Variants in TRIM50 observed in about 807,000 individuals in gnomAD.
The protein encoded by TRIM50 is E3 ubiquitin-protein ligase TRIM50.
Under a neutral mutation model 44.9 loss-of-function variants are expected in TRIM50, and 34 were observed. The observed-to-expected ratio is 0.76, with a 90% CI of 0.58 to 1.01. TRIM50 has a LOEUF of 1.01. Ranked by LOEUF, TRIM50 falls within the 50% of genes least tolerant of loss-of-function variation. The pLI is 0.00. For synonymous variants in TRIM50, 307 were observed against 291.1 expected (o/e 1.05, Z -0.56); for missense variants, 633 against 663.7 (o/e 0.95, Z 0.51).
intron 2 of TRIM50, among the ~76,000 whole-genome samples, chr7:73,321,216 A>G (rs1316064101): frequency 6.6e-6 from 1 of 152,122 alleles, no homozygotes; most frequent in South Asian, 2.1e-4. Flanking sequence ...CTTCCCAGGC[A>G]TAAGAGGGTC....
Position 73,312,652 on chromosome 7 carries a change from T to C in TRIM50, c.*269A>G. The C allele has an allele frequency of 2.0e-6, 1 of 489,502 alleles. No homozygotes were observed. Among genetic ancestry groups the C allele is most frequent in the Non-Finnish European group, 3.6e-6 (1 of 278,304 alleles). The allele number at this position is 489,502 out of a possible 1,614,324, so 30.3% of individuals were successfully genotyped here. Reference sequence around the variant, plus strand: ...CTGCCCTCGGAAGCGTCTGCGCAGATAGCATGGTTAGCAAGTGGCAGGAAC... The same window carrying C: ...CTGCCCTCGGAAGCGTCTGCGCAGACAGCATGGTTAGCAAGTGGCAGGAAC... On this transcript the variant is annotated 3_prime_UTR_variant, in exon 7 of 7. Coordinates refer to ENST00000333149, the MANE Select transcript of TRIM50 (RefSeq NM_178125.3).
chr7:73,322,280 C>T (rs1345737480), intron 2 of TRIM50, among the ~76,000 whole-genome samples: 3 of 152,138 alleles, frequency 2.0e-5, no homozygotes, highest in Admixed American at 6.5e-5. Context: ...ACCCGGGAGG[C>T]GGAGCTTGCA....
chr7:73,319,113 T>C, intron 3 of TRIM50, 61 bp from the exon 4 acceptor site: 1 of 1,613,216 alleles, frequency 6.2e-7, no homozygotes, highest in Non-Finnish European at 8.5e-7. Context: ...TCTGTCTGGC[T>C]GGCCTCGGTG....
In TRIM50 at chr7:73,313,543, C is replaced by T; in HGVS notation, c.875-33G>A. ...GGAGATCACAGAGGGTCTGTGAGGCCACGTGGAGGGCAGCAGACCCGGCCC... is the reference window on the plus strand; with the variant it reads ...GGAGATCACAGAGGGTCTGTGAGGCTACGTGGAGGGCAGCAGACCCGGCCC... On this transcript the variant is annotated intron_variant, in intron 6 of 6. Coordinates refer to ENST00000333149, the MANE Select transcript of TRIM50 (RefSeq NM_178125.3). This position sits in a 1 kb window ranked among gnomAD's most constrained non-coding sequence, Gnocchi z 4.9. 1 of 1,453,316 alleles carries T rather than the reference C, an allele frequency of 6.9e-7. No individual in the cohort carries two copies. Among genetic ancestry groups the T allele is most frequent in the Non-Finnish European group, 9.1e-7 (1 of 1,102,284 alleles). 90.0% of individuals were successfully genotyped at this position (1,453,316 alleles called of 1,614,324 possible).
rs201147866 is a variant in TRIM50 at position 73,313,439 on chromosome 7, C to T, written c.946G>A (p.Val316Met). The T allele has an allele frequency of 1.5e-4, 237 of 1,561,292 alleles. No homozygotes were observed. The Admixed American group carries it at 4.4e-3, about 29-fold the overall frequency. ...LLELSKGNTVVQCGLLAQRRA... is the reference protein window; with the variant it reads ...LLELSKGNTVMQCGLLAQRRA... ...CGCTGGGCCAGAAGCCCGCACTGCA[C>T]CACCGTGTTGCCCTTGGAGAGCTCC... Residue 316 changes from valine (V) to methionine (M), a missense_variant, in exon 7 of 7, where the codon GTG (valine) becomes ATG (methionine). Physicochemically the swap from Val to Met is conservative, Grantham distance 21. Transcript: ENST00000333149. This position sits in a 1 kb window ranked among gnomAD's most constrained non-coding sequence, Gnocchi z 4.9.
At position 73,322,448 on chromosome 7, in the gene TRIM50, T is replaced by C. The variant is rs1804518542; in HGVS notation, c.399+1941A>G. ...AGGACAGATAAGCTCCCAGCCTGTT[T>C]CCCTCCCTCCTTCCCATTAACTAAT... On this transcript the variant is annotated intron_variant, in intron 2 of 6. Transcript: ENST00000333149. 4.0e-5 allele frequency among the ~76,000 whole-genome samples: 6 copies of C among 151,876 alleles called. No individual in the cohort carries two copies. The South Asian group carries it at 1.2e-3, about 32-fold the overall frequency.
Position 73,312,970 on chromosome 7 carries a change from G to A in TRIM50, c.1415C>T (p.Pro472Leu), listed in dbSNP as rs1554543196. 10 of 1,550,690 alleles carry A rather than the reference G, an allele frequency of 6.4e-6. No homozygotes were observed. Among genetic ancestry groups the A allele is most frequent in the South Asian group, 3.6e-5 (3 of 84,038 alleles). The change falls in exon 7 of 7, where the codon CCG (proline) becomes CTG (leucine). Residue 472 changes from proline (P) to leucine (L), a missense_variant. Pro to Leu is a moderately conservative substitution (Grantham distance 98). Coordinates refer to ENST00000333149, the MANE Select transcript of TRIM50 (RefSeq NM_178125.3). ...GSNSLPMVLP[P>L]PSGPGPLSPE... Reference sequence around the variant, plus strand: ...GCTGAGGGGGCCAGGCCCGCTGGGCGGGGGCAGCACCATGGGCAGCGAGTT... The same window carrying A: ...GCTGAGGGGGCCAGGCCCGCTGGGCAGGGGCAGCACCATGGGCAGCGAGTT...
At chr7:73,326,649 T>G (rs1804635938) in intron 1 of TRIM50, among the ~76,000 whole-genome samples, 1 of 152,108 alleles carries the variant, frequency 6.6e-6, no homozygotes, top group Admixed American at 6.5e-5. Flanking sequence ...TGTGGACTGT[T>G]TTTGAATTTC....
rs564842605 is a variant in TRIM50, at chr7:73,313,058, G to C, written c.1327C>G (p.Gln443Glu). 3.2e-6 allele frequency: 5 copies of C among 1,583,686 alleles called. No homozygotes were observed. Among genetic ancestry groups the C allele is most frequent in the Non-Finnish European group, 4.3e-6 (5 of 1,165,264 alleles). The change falls in exon 7 of 7, where the codon CAG becomes GAG. Residue 443 changes from glutamine to glutamate, a missense_variant. Gln to Glu is a conservative substitution (Grantham distance 29). Transcript: ENST00000333149. The surrounding 1 kb of genome is among the most constrained non-coding windows in gnomAD (Gnocchi z 4.9). ...TAGAGCTTGCCCTGGAAGTCGGCCT[G>C]GAAGGTGTAGAGCGGCCGCAGGTCA... ...PDDLRPLYTF[Q>E]ADFQGKLYPI...
chr7:73,319,762 C>G (rs1333373362), intron 3 of TRIM50, among the ~76,000 whole-genome samples: 1 of 152,232 alleles, frequency 6.6e-6, no homozygotes, highest in Non-Finnish European at 1.5e-5. Flanking sequence ...AGCCAGGGCC[C>G]AGGGCTGCCA....
At chr7:73,315,582 T>A (rs1554543934) in intron 6 of TRIM50, among the ~76,000 whole-genome samples, 1 of 152,174 alleles carries the variant, frequency 6.6e-6, no homozygotes, top group Non-Finnish European at 1.5e-5. Flanking sequence ...TTTGAACTCC[T>A]GGCCTCAAGC....
chr7:73,323,569 G>A (rs13241244), intron 2 of TRIM50, among the ~76,000 whole-genome samples: 91 of 152,252 alleles, frequency 6.0e-4, no homozygotes, highest in Admixed American at 1.3e-3. Context: ...ATTATTACTC[G>A]TCTTAAAGAA....
At position 73,324,081 on chromosome 7, in the gene TRIM50, A is replaced by AG. The variant is rs1554545456; in HGVS notation, c.399+307dup. Among the ~76,000 whole-genome samples the AG allele has an allele frequency of 5.9e-5, 9 of 151,858 alleles. No individual in the cohort carries two copies. In the South Asian group the frequency reaches 1.7e-3, roughly 28 times the overall value. On this transcript the variant is annotated intron_variant, in intron 2 of 6. Coordinates refer to ENST00000333149, the MANE Select transcript of TRIM50 (RefSeq NM_178125.3). ...AAAGAAAGGAGAGAGGGAGAGGGAGAGGAAGAGGGAAGAGGGAAGAGGGAA... is the reference window on the plus strand; with the variant it reads ...AAAGAAAGGAGAGAGGGAGAGGGAGAGGGAAGAGGGAAGAGGGAAGAGGGAA...
rs201629397 is a variant in TRIM50 at position 73,324,520 on chromosome 7, C to T, written c.268G>A (p.Val90Met). 1.7e-5 allele frequency: 27 copies of T among 1,613,978 alleles called. No homozygotes were observed. In the East Asian group the frequency reaches 2.5e-4, roughly 15 times the overall value. The change falls in exon 2 of 7, where the codon GTG (valine) becomes ATG (methionine). Residue 90 changes from valine (V) to methionine (M), a missense_variant. Physicochemically the swap from Val to Met is conservative, Grantham distance 21. Transcript: ENST00000333149. The stretch of plus-strand genomic sequence containing the variant: ...AGGCTGAGCGGGTTCCGGTGGTGCA[C>T]GCAGACCTTGGGCTCCGGGTCCCCA... ...LPGDPEPKVC[V>M]HHRNPLSLFC... is the part of the protein sequence containing the mutation.
chr7:73,320,343 C>T (rs1804467306), intron 2 of TRIM50, 101 bp from the exon 3 acceptor site: 20 of 1,563,272 alleles, frequency 1.3e-5, no homozygotes, highest in Non-Finnish European at 1.8e-5. Context: ...CAAGCACTCC[C>T]AGGGAAACCA....
In TRIM50 at chr7:73,324,523, A is replaced by C. The variant is rs782230906; in HGVS notation, c.265T>G (p.Cys89Gly). 6.2e-7 allele frequency: 1 copy of C among 1,613,990 alleles called. No individual in the cohort carries two copies. The highest frequency in any genetic ancestry group is 2.2e-5 in the East Asian group (1 of 44,872). Residue 89 changes from cysteine to glycine, a missense_variant, in exon 2 of 7, where the codon TGC becomes GGC. By Grantham distance (159) the Cys-to-Gly change is radical. Transcript: ENST00000333149. ...CTGAGCGGGTTCCGGTGGTGCACGC[A>C]GACCTTGGGCTCCGGGTCCCCAGGG... is the stretch of plus-strand genomic sequence containing the variant. ...RLPGDPEPKV[C>G]VHHRNPLSLF...
At chr7:73,320,281 C>T (rs1414979103) in intron 2 of TRIM50, 39 bp from the exon 3 acceptor site, 1 of 1,613,476 alleles carries the variant, frequency 6.2e-7, no homozygotes, top group Admixed American at 1.7e-5. Flanking sequence ...GCAGCTGATC[C>T]CTCCCCTTCT....
chr7:73,326,760 G>A (rs1334007323), intron 1 of TRIM50, among the ~76,000 whole-genome samples: 1 of 151,716 alleles, frequency 6.6e-6, no homozygotes, highest in African/African-American at 2.4e-5. Context: ...GTCTTTCAAC[G>A]TTTAGAAATT....
intron 5 of TRIM50, 77 bp downstream of exon 5, chr7:73,318,610 A>G: frequency 6.2e-7 from 1 of 1,611,726 alleles, no homozygotes; most frequent in Non-Finnish European, 8.5e-7. Flanking sequence ...GTTAAACCGA[A>G]TGGAGGAACC....
Sources: allele counts gnomAD v4.1 joint callset (sites outside exome capture counted in the v4.1 genomes callset), GRCh38; gene constraint gnomAD v4.1.1; non-coding constraint Gnocchi (gnomAD v3.1); transcripts MANE v1.5; gene names NCBI Gene and HGNC (gene_info 2026-07-23, HGNC 2026-07-21).